The following YME1L1 variants were observed in gnomAD, a reference collection of about 807,000 sequenced individuals.
YME1L1 encodes YME1 like 1 ATPase.
Under a neutral mutation model 90.4 loss-of-function variants are expected in YME1L1, and 39 were observed. The observed-to-expected ratio is 0.43, with a 90% confidence interval of 0.33 to 0.56. The LOEUF is 0.56. Among genes scored for constraint, YME1L1 ranks in the 20% least tolerant of loss-of-function variants. The pLI, the probability that YME1L1 is intolerant of heterozygous loss-of-function variation, is 0.03. For synonymous variants in YME1L1, 284 were observed against 287.3 expected, an observed-to-expected ratio of 0.99 and a Z score of 0.12; for missense variants, 617 against 868.4, an observed-to-expected ratio of 0.71 and a Z score of 3.64.
chr10:27,113,989 AAAGACTCAAT>A (rs1297526914), intron 18 of YME1L1, among the ~76,000 whole-genome samples: 10 of 152,110 alleles, frequency 6.6e-5, no homozygotes, highest in Admixed American at 6.6e-5. Flanking sequence ...AATACATGTC[AAAGACTCAAT>A]AAACAATACT....
Position 27,134,948 on chromosome 10 carries a change from C to G in YME1L1, c.574G>C (p.Glu192Gln). ...FLLRDRGSDV[E>Q]SLDKLMKTKN... ...GTTTTCATGAGTTTGTCCAAACTCTCAACATCTGATCCTCTGTCCCGCAAA... is the reference window on the plus strand; with the variant it reads ...GTTTTCATGAGTTTGTCCAAACTCTGAACATCTGATCCTCTGTCCCGCAAA... The change falls in exon 6 of 19, where the codon GAG (glutamate) becomes CAG (glutamine). Residue 192 changes from glutamate to glutamine, a missense_variant. By Grantham distance (29) the Glu-to-Gln change is conservative. This residue lies in a region of YME1L1 where 311 missense variants were observed against 335.8 expected (regional missense o/e 0.93). Transcript: ENST00000376016. 1 of 1,613,048 alleles carries G rather than the reference C, an allele frequency of 6.2e-7. No homozygotes were observed. The highest frequency in any genetic ancestry group is 1.3e-5 in the African/African-American group (1 of 75,014).
chr10:27,121,335 A>G (rs2056865466), intron 12 of YME1L1, 51 bp downstream of exon 12: 2 of 1,326,716 alleles, frequency 1.5e-6, no homozygotes, highest in Non-Finnish European at 2.2e-6. Flanking sequence ...CTTTTAGCAC[A>G]ATTTTGTAGC....
chr10:27,151,024 C>T (rs59594060), intron 1 of YME1L1, among the ~76,000 whole-genome samples: 18 of 147,180 alleles, frequency 1.2e-4, no homozygotes, highest in Non-Finnish European at 2.1e-4. Flanking sequence ...CTCCTGGGTT[C>T]GAGTGATTCT....
intron 11 of YME1L1, among the ~76,000 whole-genome samples, chr10:27,122,120 C>A (rs2056873824): frequency 6.6e-6 from 1 of 152,158 alleles, no homozygotes; most frequent in Non-Finnish European, 1.5e-5. Context: ...ATCCTCCCAC[C>A]TTGGCTTCCA....
chr10:27,138,050 CT>C (rs952810547), intron 4 of YME1L1, among the ~76,000 whole-genome samples: 25 of 148,448 alleles, frequency 1.7e-4, no homozygotes, highest in Non-Finnish European at 2.5e-4. Context: ...ATATTTGGAA[CT>C]TTTTTTTTTG....
Position 27,147,606 on chromosome 10 carries a change from G to A in YME1L1, c.168+1300C>T, listed in dbSNP as rs753921603. The stretch of plus-strand genomic sequence containing the variant: ...CCATGAACATGGATCTGTACCCTTC[G>A]AATATTTTTCCTTTGCCAATTGAAA... On this transcript the variant is annotated intron_variant, in intron 2 of 18. Transcript: ENST00000376016. 17 of 1,565,068 alleles carry A rather than the reference G, an allele frequency of 1.1e-5. No individual in the cohort carries two copies. In the Admixed American group the frequency reaches 2.3e-4, roughly 21 times the overall value.
intron 1 of YME1L1, among the ~76,000 whole-genome samples, chr10:27,151,308 T>C (rs1424348948): frequency 6.6e-6 from 1 of 152,206 alleles, no homozygotes; most frequent in Non-Finnish European, 1.5e-5. Context: ...CCAGTGTTTA[T>C]CTCCTTCAAA....
chr10:27,148,893 G>A lies in YME1L1; in HGVS notation c.168+13C>T, dbSNP rs760540455. ...CAAAAAGGCTTTCTCACACAACCAG[G>A]ATAAAGACTTACCTCACTGCTGGGA... is the stretch of plus-strand genomic sequence containing the variant. On this transcript the variant is annotated intron_variant, in intron 2 of 18. Coordinates refer to ENST00000376016, the MANE Select transcript of YME1L1 (RefSeq NM_014263.4). 1.5e-5 allele frequency: 24 copies of A among 1,613,280 alleles called. No homozygotes were observed. The highest frequency in any genetic ancestry group is 1.9e-5 in the Non-Finnish European group (22 of 1,179,874).
intron 1 of YME1L1, 64 bp from the exon 2 acceptor site, chr10:27,149,104 T>G: frequency 7.1e-7 from 1 of 1,404,638 alleles, no homozygotes; most frequent in East Asian, 2.3e-5. Flanking sequence ...CAATCTCCTT[T>G]TTTTGTCAGG....
intron 18 of YME1L1, among the ~76,000 whole-genome samples, chr10:27,112,483 T>C (rs966788768): frequency 1.3e-5 from 2 of 152,194 alleles, no homozygotes; most frequent in East Asian, 3.9e-4. Flanking sequence ...TCAAGTGCTA[T>C]TTGTTCATGT....
chr10:27,113,912 C>CCACT (rs2056786065), intron 18 of YME1L1, among the ~76,000 whole-genome samples: 1 of 150,888 alleles, frequency 6.6e-6, no homozygotes, highest in Non-Finnish European at 1.5e-5. Context: ...CGAGATCATG[C>CCACT]CACTACACTC....
At chr10:27,127,243 T>G (rs1373119590) in intron 8 of YME1L1, among the ~76,000 whole-genome samples, 1 of 152,254 alleles carries the variant, frequency 6.6e-6, no homozygotes, top group Non-Finnish European at 1.5e-5. Context: ...TTATGTTTTT[T>G]TGTTAGACTT....
intron 11 of YME1L1, among the ~76,000 whole-genome samples, 197 bp downstream of exon 11, chr10:27,122,644 A>T (rs2056878567): frequency 6.6e-6 from 1 of 152,240 alleles, no homozygotes; most frequent in South Asian, 2.1e-4. Context: ...GTTAGTAATG[A>T]AAACAATACA....
In YME1L1 at chr10:27,111,916, T is replaced by C. The variant is rs763812795; in HGVS notation, c.*61A>G. On this transcript the variant is annotated 3_prime_UTR_variant, in exon 19 of 19. Transcript: ENST00000376016. ...AGGGGAAAGCGTTGTAAAAGTAGACTACTGCAATGCTACTTGTATTCTTGC... is the reference window on the plus strand; with the variant it reads ...AGGGGAAAGCGTTGTAAAAGTAGACCACTGCAATGCTACTTGTATTCTTGC... 6 of 1,587,234 alleles carry C rather than the reference T, an allele frequency of 3.8e-6. No homozygotes were observed. Among genetic ancestry groups the C allele is most frequent in the Non-Finnish European group, 5.2e-6 (6 of 1,157,124 alleles).
rs1371288019 is a variant in YME1L1, at chr10:27,123,697, T to C, written c.952A>G (p.Ile318Val). Residue 318 changes from isoleucine to valine, a missense_variant and splice_region_variant, in exon 10 of 19, where the codon ATT (isoleucine) becomes GTT (valine). Coordinates refer to ENST00000376016, the MANE Select transcript of YME1L1 (RefSeq NM_014263.4). ...TILGGKLPKGILLVGPPGTGK... is the reference protein window; with the variant it reads ...TILGGKLPKGVLLVGPPGTGK... ...GTCCCTGGGGGTCCAACTAAAAGAA[T>C]TCCTAAAAGAAAATGAAAACGAGAA... is the stretch of plus-strand genomic sequence containing the variant. 2.5e-6 allele frequency: 4 copies of C among 1,588,160 alleles called. No individual in the cohort carries two copies. In the South Asian group the frequency reaches 4.6e-5, roughly 18 times the overall value.
intron 4 of YME1L1, among the ~76,000 whole-genome samples, chr10:27,139,954 A>C (rs1311696358): frequency 6.6e-6 from 1 of 152,068 alleles, no homozygotes; most frequent in Non-Finnish European, 1.5e-5. Flanking sequence ...TGTGTGTATT[A>C]ATTTCTTCTA....
At position 27,119,303 on chromosome 10, in the gene YME1L1, T is replaced by C. The variant is rs1363800858; in HGVS notation, c.1558A>G (p.Ile520Val). 6.3e-7 allele frequency: 1 copy of C among 1,597,874 alleles called. No homozygotes were observed. The highest frequency in any genetic ancestry group is 1.4e-5 in the African/African-American group (1 of 73,600). ...AAGAAAGGAAACCTACCCATTAGAA[T>C]TTTGTCTTTGGAAAACTCCAGCTCC... ...MKELEFSKDK[I>V]LMGPERRSVE... The change falls in exon 14 of 19, where the codon ATT becomes GTT. Residue 520 changes from isoleucine to valine, a missense_variant. Physicochemically the swap from Ile to Val is conservative, Grantham distance 29 (BLOSUM62 3). This residue lies in a region of YME1L1 where 212 missense variants were observed against 330.0 expected (regional missense o/e 0.64). Coordinates refer to ENST00000376016, the MANE Select transcript of YME1L1 (RefSeq NM_014263.4).
Position 27,154,281 on chromosome 10 carries a change from G to A in YME1L1, c.-71C>T. On this transcript the variant is annotated 5_prime_UTR_variant, in exon 1 of 19. Transcript: ENST00000376016. ...CCCTCTGTCCACGGCCCGGCGGGGA[G>A]GCGCTGAGCCCTTCTTTTTTCCTTT... The A allele has an allele frequency of 4.6e-6, 7 of 1,527,748 alleles. No individual in the cohort carries two copies. The highest frequency in any genetic ancestry group is 2.4e-5 in the East Asian group (1 of 40,882). 94.6% of individuals were successfully genotyped at this position (1,527,748 alleles called of 1,614,324 possible).
Position 27,119,369 on chromosome 10 carries a change from A to G in YME1L1, c.1492T>C (p.Leu498=), listed in dbSNP as rs376545594. 3 of 1,613,852 alleles carry G rather than the reference A, an allele frequency of 1.9e-6. No homozygotes were observed. In the African/African-American group the frequency reaches 4.0e-5, roughly 22 times the overall value. The change falls in exon 14 of 19, where the codon TTA becomes CTA. Residue 498 remains leucine (L), a synonymous_variant. Coordinates refer to ENST00000376016, the MANE Select transcript of YME1L1 (RefSeq NM_014263.4). ...TCTTTTCCATCAACAGCTGCTTTTA[A>G]TGCAGCCTGGTTCACAAGATTCTCC... ...ELENLVNQAA[L]KAAVDGKEMV...
Sources: allele counts gnomAD v4.1 joint callset (sites outside exome capture counted in the v4.1 genomes callset), GRCh38; gene constraint gnomAD v4.1.1; regional missense constraint gnomAD v4.1.1; transcripts MANE v1.5; gene names NCBI Gene and HGNC (gene_info 2026-07-23, HGNC 2026-07-21).